The following TRIM5 variants were observed in gnomAD, a reference collection of about 807,000 sequenced individuals.
TRIM5 encodes tripartite motif containing 5.
TRIM5 carries 31 observed loss-of-function variants against 35.6 expected under a neutral mutation model. The observed-to-expected ratio is 0.87, with a 90% confidence interval of 0.65 to 1.18. The LOEUF (loss-of-function observed/expected upper bound fraction) is 1.18, where lower values mean the gene tolerates loss of function less well. Among genes scored for constraint, TRIM5 ranks in the 50% most tolerant of loss-of-function variants. The pLI is 0.00. For missense variants in TRIM5, 609 were observed against 591.6 expected (o/e 1.03, Z -0.31); for synonymous variants, 243 against 215.6 (o/e 1.13, Z -1.11).
At chr11:5,659,045 T>C (rs951995842), downstream of TRIM5, among the ~76,000 whole-genome samples, 1 of 152,096 alleles carries the variant, frequency 6.6e-6, no homozygotes, top group African/African-American at 2.4e-5. Context: ...GAGAAATACC[T>C]AATGTAAATG....
At chr11:5,643,584 A>G in the TRIM5 span, 2 of 1,614,046 alleles carry the variant, frequency 1.2e-6, no homozygotes, top group South Asian at 2.2e-5. Flanking sequence ...CTCATTTTTC[A>G]ATGTCACAAG....
intron 4 of TRIM5, among the ~76,000 whole-genome samples, chr11:5,669,143 G>T (rs1057202478): frequency 6.7e-6 from 1 of 149,334 alleles, no homozygotes; most frequent in South Asian, 2.1e-4. Flanking sequence ...GCAACGGCGC[G>T]ATCTCAGCTC....
the TRIM5 span, among the ~76,000 whole-genome samples, chr11:5,640,359 C>G: frequency 6.6e-6 from 1 of 151,830 alleles, no homozygotes; most frequent in Non-Finnish European, 1.5e-5. Flanking sequence ...CTGAATTTTG[C>G]TGAATGCTTT....
At chr11:5,669,279 C>T (rs965076857) in intron 4 of TRIM5, among the ~76,000 whole-genome samples, 9 of 151,952 alleles carry the variant, frequency 5.9e-5, no homozygotes, top group Non-Finnish European at 1.2e-4. Flanking sequence ...AGGGTTTCTC[C>T]ATGTTGGTCG....
At chr11:5,605,558 G>C in the TRIM5 span, 1 of 1,613,654 alleles carries the variant, frequency 6.2e-7, no homozygotes, top group African/African-American at 1.3e-5. Context: ...CAACAATGGA[G>C]CTGCTGCAGG....
chr11:5,642,308 A>ATC, the TRIM5 span: 5 of 1,089,886 alleles, frequency 4.6e-6, no homozygotes, highest in Non-Finnish European at 6.8e-6. Flanking sequence ...AGAAGGGTTC[A>ATC]AGTGCATCAG....
the TRIM5 span, among the ~76,000 whole-genome samples, chr11:5,623,150 G>A: frequency 4.3e-5 from 6 of 139,468 alleles, no homozygotes; most frequent in Non-Finnish European, 7.6e-5. Context: ...TCTTTTTTTG[G>A]AATAGAATGG....
chr11:5,618,769 G>C, the TRIM5 span, among the ~76,000 whole-genome samples: 1 of 152,272 alleles, frequency 6.6e-6, no homozygotes, highest in African/African-American at 2.4e-5. Context: ...AGTATACTCT[G>C]GGGGAGAAAA....
At chr11:5,632,229 A>C in the TRIM5 span, 2 of 1,570,126 alleles carry the variant, frequency 1.3e-6, no homozygotes, top group Non-Finnish European at 1.7e-6. Context: ...TACCATTCTT[A>C]TACCATCCCC....
the TRIM5 span, chr11:5,632,822 CTTTTTTTT>C: frequency 1.0e-5 from 10 of 982,776 alleles, no homozygotes; most frequent in African/African-American, 2.3e-5. Flanking sequence ...CCTTTTCATC[CTTTTTTTT>C]TTTTTTTTTT....
chr11:5,642,439 G>T, the TRIM5 span: 513 of 1,613,710 alleles, frequency 3.2e-4, 3 homozygotes, highest in African/African-American at 6.4e-3. Flanking sequence ...AGCCAAAAAT[G>T]GTTTCCAAGA....
intron 4 of TRIM5, among the ~76,000 whole-genome samples, chr11:5,676,801 T>C (rs1183583511): frequency 6.6e-6 from 1 of 150,982 alleles, no homozygotes; most frequent in Non-Finnish European, 1.5e-5. Flanking sequence ...TAACGACGCA[T>C]ATCTACAACT....
the TRIM5 span, chr11:5,632,254 G>T: frequency 6.3e-7 from 1 of 1,593,666 alleles, no homozygotes; most frequent in Non-Finnish European, 8.5e-7. Context: ...AATCTTCTCA[G>T]CCATCCAGGG....
the TRIM5 span, among the ~76,000 whole-genome samples, chr11:5,602,487 A>C: frequency 6.6e-6 from 1 of 151,820 alleles, no homozygotes; most frequent in Non-Finnish European, 1.5e-5. Flanking sequence ...TGTGCTCTAA[A>C]TAGACTAGTC....
chr11:5,597,723 T>G, the TRIM5 span, among the ~76,000 whole-genome samples: 1 of 152,172 alleles, frequency 6.6e-6, no homozygotes, highest in Non-Finnish European at 1.5e-5. Flanking sequence ...TCACTGATTT[T>G]TATTCTGAAA....
chr11:5,670,254 T>G (rs572231159), intron 4 of TRIM5, among the ~76,000 whole-genome samples: 25 of 137,060 alleles, frequency 1.8e-4, no homozygotes, highest in Non-Finnish European at 2.7e-4. Context: ...CTCAGCTCAC[T>G]GCAAGCTCTG....
the TRIM5 span, chr11:5,620,167 CTTTTTTTTTTTTTT>C: frequency 6.9e-5 from 5 of 72,772 alleles, no homozygotes; most frequent in Admixed American, 2.5e-4. Flanking sequence ...TTTCTTTCTT[CTTTTTTTTTTTTTT>C]TTTTTTTTTT....
the TRIM5 span, among the ~76,000 whole-genome samples, chr11:5,653,496 GT>G: frequency 8.5e-4 from 113 of 132,638 alleles, no homozygotes; most frequent in African/African-American, 2.2e-3. Flanking sequence ...TGTTTTTTTT[GT>G]TTTTTTTTTT....
intron 3 of TRIM5, 122 bp downstream of exon 3, chr11:5,678,952 A>T: frequency 1.3e-6 from 1 of 792,526 alleles, no homozygotes; most frequent in South Asian, 1.4e-5. Context: ...GGAAAGGATG[A>T]AGAGGACTAA....
Sources: allele counts gnomAD v4.1 joint callset (sites outside exome capture counted in the v4.1 genomes callset), GRCh38; gene constraint gnomAD v4.1.1; transcripts MANE v1.5; gene names NCBI Gene and HGNC (gene_info 2026-07-23, HGNC 2026-07-21).